SND1: variants seen among roughly 807,000 people sequenced by gnomAD.
SND1 encodes staphylococcal nuclease and tudor domain containing 1.
A neutral mutation model predicts 121.7 loss-of-function variants in SND1; 38 were observed. That is an observed-to-expected ratio of 0.31 (90% CI 0.24 to 0.41). SND1 has a LOEUF of 0.41. Ranked by LOEUF, SND1 falls within the 10% of genes least tolerant of loss-of-function variation. The probability of loss-of-function intolerance (pLI) is 1.00; values close to 1 mark genes in which losing one functional copy is unlikely to be tolerated. For missense variants in SND1, 868 were observed against 1,184.6 expected (o/e 0.73, Z 3.92); for synonymous variants, 401 against 447.4 (o/e 0.90, Z 1.31).
intron 15 of SND1, among the ~76,000 whole-genome samples, chr7:127,930,823 A>C (rs1163181990): frequency 3.3e-5 from 5 of 152,094 alleles, no homozygotes. Flanking sequence ...GGTTTATTGC[A>C]CTTCTTTTTA....
At chr7:127,800,518 A>G (rs1050954385) in intron 10 of SND1, among the ~76,000 whole-genome samples, 5 of 152,218 alleles carry the variant, frequency 3.3e-5, no homozygotes, top group Non-Finnish European at 7.3e-5. Context: ...AAGAATGGCC[A>G]GTTATTCTGC....
chr7:127,703,458 A>G (rs1325607990), intron 7 of SND1, 135 bp downstream of exon 7: 1 of 1,051,436 alleles, frequency 9.5e-7, no homozygotes, highest in Non-Finnish European at 1.3e-6. Context: ...TCACGCCTGT[A>G]ATCCCACCAC....
chr7:128,062,718 TC>T (rs1309542888), intron 16 of SND1, among the ~76,000 whole-genome samples: 3 of 152,130 alleles, frequency 2.0e-5, no homozygotes, highest in Non-Finnish European at 2.9e-5. Context: ...GTGCTCCACG[TC>T]CCCTTCCCAC....
intron 11 of SND1, among the ~76,000 whole-genome samples, chr7:127,838,019 G>T (rs1328600444): frequency 6.6e-6 from 1 of 152,172 alleles, no homozygotes; most frequent in Admixed American, 6.5e-5. Context: ...GCTAGGGTTG[G>T]ACCGCACAGT....
intron 10 of SND1, among the ~76,000 whole-genome samples, chr7:127,782,424 G>A (rs1399408692): frequency 6.6e-6 from 1 of 152,182 alleles, no homozygotes; most frequent in Non-Finnish European, 1.5e-5. Context: ...CTTCAGATGA[G>A]GAATGTATTT....
At chr7:127,807,598 A>G (rs1234832279) in intron 11 of SND1, 25 bp downstream of exon 11, 7 of 1,578,174 alleles carry the variant, frequency 4.4e-6, no homozygotes, top group Non-Finnish European at 6.1e-6. Context: ...ACAGAAGCAT[A>G]TTTGCAAGTG....
At chr7:127,808,783 G>C (rs1281146136) in intron 11 of SND1, among the ~76,000 whole-genome samples, 2 of 152,200 alleles carry the variant, frequency 1.3e-5, no homozygotes, top group Non-Finnish European at 2.9e-5. Flanking sequence ...TCAATTTCTA[G>C]ATCTCCTGTT....
At chr7:128,040,437 TAAAAA>T (rs67595921) in intron 16 of SND1, among the ~76,000 whole-genome samples, 13 of 32,870 alleles carry the variant, frequency 4.0e-4, no homozygotes, top group African/African-American at 7.3e-4. Flanking sequence ...GTCCTATCTT[TAAAAA>T]AAAAAAAAAA....
intron 14 of SND1, among the ~76,000 whole-genome samples, chr7:127,908,218 C>T (rs920997414): frequency 4.6e-5 from 7 of 151,090 alleles, no homozygotes; most frequent in South Asian, 2.1e-4. Flanking sequence ...TTTGGGAGGC[C>T]GAGGTGGGAG....
At chr7:127,872,642 A>G (rs918215467) in intron 12 of SND1, among the ~76,000 whole-genome samples, 91 of 150,998 alleles carry the variant, frequency 6.0e-4, no homozygotes, top group African/African-American at 2.2e-3. Context: ...ACACACACAC[A>G]CACACACACA....
At chr7:127,978,074 T>G (rs1315722024) in intron 15 of SND1, among the ~76,000 whole-genome samples, 1 of 152,150 alleles carries the variant, frequency 6.6e-6, no homozygotes, top group Non-Finnish European at 1.5e-5. Context: ...ATTACATGTC[T>G]GAGTTCTGCA....
At chr7:127,702,131 T>C (rs1205075479) in intron 5 of SND1, among the ~76,000 whole-genome samples, 1 of 152,180 alleles carries the variant, frequency 6.6e-6, no homozygotes. Flanking sequence ...TTATTTTTTG[T>C]TGGGTACCTG....
At chr7:127,954,351 G>A (rs1191426522) in intron 15 of SND1, among the ~76,000 whole-genome samples, 1 of 152,096 alleles carries the variant, frequency 6.6e-6, no homozygotes, top group Non-Finnish European at 1.5e-5. Flanking sequence ...CCTCATTACT[G>A]CAGGAGCCCT....
chr7:127,839,634 G>A (rs1461986847), intron 11 of SND1, among the ~76,000 whole-genome samples: 2 of 152,118 alleles, frequency 1.3e-5, no homozygotes, highest in Non-Finnish European at 2.9e-5. Flanking sequence ...GACTTTACAA[G>A]CAATTAATAT....
Position 128,092,327 on chromosome 7 carries a change from T to TAA in SND1, c.*269_*270insAA. On this transcript the variant is annotated 3_prime_UTR_variant, in exon 24 of 24. Transcript: ENST00000354725. This position sits in a 1 kb window ranked among gnomAD's most constrained non-coding sequence, Gnocchi z 4.9. The stretch of plus-strand genomic sequence containing the variant: ...TTATTTGGAGGTTTGTGGGCTTTTT[T>TAA]TAAAAAAAAAAAGTCCTCAAATCAG... 10 of 443,848 alleles carry TAA rather than the reference T, an allele frequency of 2.3e-5. No individual in the cohort carries two copies. Among genetic ancestry groups the TAA allele is most frequent in the Non-Finnish European group, 2.4e-5 (6 of 246,626 alleles). The allele number at this position is 443,848 out of a possible 1,614,324, so 27.5% of individuals were successfully genotyped here.
chr7:128,067,953 C>T (rs748562842), intron 16 of SND1, among the ~76,000 whole-genome samples: 65 of 152,190 alleles, frequency 4.3e-4, no homozygotes, highest in East Asian at 1.7e-3. Context: ...CCAGTGCCCT[C>T]GGCTCCCTTA....
At position 128,074,482 on chromosome 7, in the gene SND1, C is replaced by T. The variant is rs746765240; in HGVS notation, c.1780-20C>T. ...CTCAGGCCTGGCCCCCACAGGCTTA[C>T]GCCTGTCTCTCTGTCCCAGGTGGAG... On this transcript the variant is annotated intron_variant, in intron 16 of 23. Transcript: ENST00000354725. The T allele has an allele frequency of 8.1e-6, 13 of 1,599,776 alleles. No homozygotes were observed. Among genetic ancestry groups the T allele is most frequent in the African/African-American group, 2.7e-5 (2 of 74,758 alleles).
intron 11 of SND1, among the ~76,000 whole-genome samples, chr7:127,827,668 A>G (rs1006193169): frequency 2.0e-5 from 3 of 152,232 alleles, no homozygotes; most frequent in South Asian, 4.1e-4. Context: ...CACAGGAATT[A>G]TAGCAGATGT....
chr7:127,936,346 C>T (rs1801062662), intron 15 of SND1, among the ~76,000 whole-genome samples: 1 of 152,128 alleles, frequency 6.6e-6, no homozygotes, highest in Non-Finnish European at 1.5e-5. Context: ...TAAAAAGCAT[C>T]CTTTTTCCTC....
Sources: gnomAD v4.1 joint callset for allele counts (sites outside exome capture counted in the v4.1 genomes callset) on GRCh38, gnomAD v4.1.1 for gene constraint, Gnocchi (gnomAD v3.1) non-coding constraint, MANE v1.5 for transcripts, NCBI Gene and HGNC (gene_info 2026-07-23, HGNC 2026-07-21) for gene names.